TMEM106B: variants seen among roughly 807,000 people sequenced by gnomAD.
The protein encoded by TMEM106B is transmembrane protein 106B.
In TMEM106B, 15 loss-of-function variants were observed where a neutral mutation model predicts 31.1. That is an observed-to-expected ratio of 0.48 (90% CI 0.32 to 0.74). The LOEUF (loss-of-function observed/expected upper bound fraction) is 0.74. TMEM106B is among the 30% of genes least tolerant of loss of function. The pLI is 0.03. For missense variants in TMEM106B, 283 were observed against 327.3 expected, an observed-to-expected ratio of 0.86 and a Z score of 1.04; for synonymous variants, 126 against 112.5, an observed-to-expected ratio of 1.12 and a Z score of -0.76.
intron 4 of TMEM106B, among the ~76,000 whole-genome samples, chr7:12,225,974 GT>G (rs201845319): frequency 0.017 from 2,537 of 152,196 alleles, 30 homozygotes; most frequent in Middle Eastern, 0.055. Context: ...TTCTTCTAGG[GT>G]TTTTATGGTT....
intron 2 of TMEM106B, among the ~76,000 whole-genome samples, chr7:12,216,630 A>T (rs1056740815): frequency 6.6e-6 from 1 of 152,212 alleles, no homozygotes; most frequent in Non-Finnish European, 1.5e-5. Context: ...GACCCTAGCG[A>T]ATCCTGAGAC....
At chr7:12,227,189 TGA>T (rs1781918292) in intron 4 of TMEM106B, among the ~76,000 whole-genome samples, 1 of 152,000 alleles carries the variant, frequency 6.6e-6, no homozygotes, top group Non-Finnish European at 1.5e-5. Context: ...TAGATGACAA[TGA>T]GATAAGAGGC....
chr7:12,212,653 G>A (rs979387565), intron 1 of TMEM106B, among the ~76,000 whole-genome samples: 3 of 151,886 alleles, frequency 2.0e-5, no homozygotes, highest in African/African-American at 7.3e-5. Context: ...TATATTCATG[G>A]AGTACAAGTG....
chr7:12,225,121 G>T (rs2128526215), intron 4 of TMEM106B, among the ~76,000 whole-genome samples: 1 of 152,126 alleles, frequency 6.6e-6, no homozygotes, highest in South Asian at 2.1e-4. Flanking sequence ...CGTGGTGTTT[G>T]GTTTTCTGTC....
At position 12,226,825 on chromosome 7, in the gene TMEM106B, A is replaced by G. The variant is rs182445851; in HGVS notation, c.441+2440A>G. 4.6e-5 allele frequency among the ~76,000 whole-genome samples: 7 copies of G among 152,282 alleles called. No homozygotes were observed. The East Asian group carries it at 9.6e-4, about 21-fold the overall frequency. The stretch of plus-strand genomic sequence containing the variant: ...ATGTGAATAAAACGTTTGTAACACA[A>G]TGCTAATTGTAAATTGTTTTATGCA... On this transcript the variant is annotated intron_variant, in intron 4 of 7. Coordinates refer to ENST00000396668, the MANE Select transcript of TMEM106B (RefSeq NM_001134232.2).
intron 2 of TMEM106B, among the ~76,000 whole-genome samples, chr7:12,217,233 T>C (rs1380518619): frequency 1.3e-5 from 2 of 152,182 alleles, no homozygotes; most frequent in Non-Finnish European, 2.9e-5. Context: ...AGGTGGTTTA[T>C]TCTTGGTAAT....
Position 12,232,295 on chromosome 7 carries a change from C to T in TMEM106B, c.*320C>T, listed in dbSNP as rs755937364. ...TTAAAAGTCATAGCTCCAGTCACTACTGAAAACATAATTTTGGTGATAAAC... is the reference window on the plus strand; with the variant it reads ...TTAAAAGTCATAGCTCCAGTCACTATTGAAAACATAATTTTGGTGATAAAC... On this transcript the variant is annotated 3_prime_UTR_variant, in exon 8 of 8. Coordinates refer to ENST00000396668, the MANE Select transcript of TMEM106B (RefSeq NM_001134232.2). 6 of 169,156 alleles carry T rather than the reference C, an allele frequency of 3.5e-5. No homozygotes were observed. Among genetic ancestry groups the T allele is most frequent in the Non-Finnish European group, 3.8e-5 (3 of 79,588 alleles). 10.5% of individuals were successfully genotyped at this position (169,156 alleles called of 1,614,324 possible). A position where few individuals can be genotyped will look rare whatever the true frequency, so the allele number is the denominator to read the frequency against.
At chr7:12,224,443 C>A in intron 4 of TMEM106B, 58 bp downstream of exon 4, 1 of 1,403,684 alleles carries the variant, frequency 7.1e-7, no homozygotes, top group Non-Finnish European at 9.9e-7. Context: ...TATTAAGCAG[C>A]ACCTTTGTCC....
chr7:12,213,940 T>C (rs886584921), intron 1 of TMEM106B, among the ~76,000 whole-genome samples: 2 of 152,126 alleles, frequency 1.3e-5, no homozygotes, highest in South Asian at 2.1e-4. Context: ...ACATGCCCCG[T>C]TGTACCTTCC....
chr7:12,219,907 A>C (rs1291238057), intron 3 of TMEM106B, among the ~76,000 whole-genome samples: 1 of 152,180 alleles, frequency 6.6e-6, no homozygotes, highest in Non-Finnish European at 1.5e-5. Context: ...ACAAATGCAA[A>C]ACATTAAATC....
rs750430741 is a variant in TMEM106B, at chr7:12,243,048, A to G, written c.*11073A>G. 6.6e-6 allele frequency: 1 copy of G among 152,102 alleles called. No individual in the cohort carries two copies. Among genetic ancestry groups the G allele is most frequent in the Non-Finnish European group, 1.5e-5 (1 of 67,972 alleles). The allele number at this position is 152,102 out of a possible 1,614,324, so 9.4% of individuals were successfully genotyped here. A position where few individuals can be genotyped will look rare whatever the true frequency, so the allele number is the denominator to read the frequency against. On this transcript the variant is annotated 3_prime_UTR_variant, in exon 8 of 8. Coordinates refer to ENST00000396668, the MANE Select transcript of TMEM106B (RefSeq NM_001134232.2). ...GAAAAGAACTTCGTATAACATCATT[A>G]GATTTTTACAGAATCTTTAAAAAAG...
At chr7:12,223,420 A>G (rs73677523) in intron 3 of TMEM106B, among the ~76,000 whole-genome samples, 11,661 of 152,028 alleles carry the variant, frequency 0.077, 561 homozygotes, top group South Asian at 0.16. Context: ...GGTTTATTGT[A>G]CCCATCAACC....
At chr7:12,216,302 A>G (rs1206543729) in intron 2 of TMEM106B, among the ~76,000 whole-genome samples, 2 of 152,030 alleles carry the variant, frequency 1.3e-5, no homozygotes, top group Non-Finnish European at 2.9e-5. Context: ...AAAGTAGGAA[A>G]TCAAGGATGA....
chr7:12,232,014 G>A lies in TMEM106B; in HGVS notation c.*39G>A, dbSNP rs140798108. The stretch of plus-strand genomic sequence containing the variant: ...TGGATTTAAAGAAGAAATATCTATT[G>A]ATATTTCCTATACTCTCAATGAAGA... On this transcript the variant is annotated 3_prime_UTR_variant, in exon 8 of 8. Coordinates refer to ENST00000396668, the MANE Select transcript of TMEM106B (RefSeq NM_001134232.2). The A allele has an allele frequency of 8.8e-6, 14 of 1,592,652 alleles. No individual in the cohort carries two copies. The East Asian group carries it at 2.9e-4, about 33-fold the overall frequency.
In TMEM106B at chr7:12,231,928, C is replaced by G. The variant is rs1782033549; in HGVS notation, c.778C>G (p.Gln260Glu). The change falls in exon 8 of 8, where the codon CAG (glutamine) becomes GAG (glutamate). Residue 260 changes from glutamine to glutamate, a missense_variant. By Grantham distance (29) the Gln-to-Glu change is conservative. Coordinates refer to ENST00000396668, the MANE Select transcript of TMEM106B (RefSeq NM_001134232.2). ...CGACTGTGGAAGAAACACAACTTATCAGTTGGGGCAGTCTGAATATTTAAA... is the reference window on the plus strand; with the variant it reads ...CGACTGTGGAAGAAACACAACTTATGAGTTGGGGCAGTCTGAATATTTAAA... ...YVDCGRNTTY[Q>E]LGQSEYLNVL... 1 of 1,612,282 alleles carries G rather than the reference C, an allele frequency of 6.2e-7. No individual in the cohort carries two copies. The highest frequency in any genetic ancestry group is 8.5e-7 in the Non-Finnish European group (1 of 1,178,782).
At chr7:12,231,387 C>G (rs1237714735) in intron 7 of TMEM106B, 1 of 336,526 alleles carries the variant, frequency 3.0e-6, no homozygotes, top group Non-Finnish European at 5.3e-6. Context: ...GCCCCACATC[C>G]AATTCCTTAC....
chr7:12,215,364 T>C (rs1781665925), intron 2 of TMEM106B, among the ~76,000 whole-genome samples: 1 of 152,004 alleles, frequency 6.6e-6, no homozygotes, highest in Non-Finnish European at 1.5e-5. Context: ...CTTTGCTATA[T>C]CAGATGTTAG....
chr7:12,230,778 T>C (rs1420188629), intron 6 of TMEM106B: 3 of 332,422 alleles, frequency 9.0e-6, no homozygotes, highest in Non-Finnish European at 1.1e-5. Flanking sequence ...ACTTTTAGGG[T>C]AAATAACAAC....
chr7:12,221,639 A>T (rs895584770), intron 3 of TMEM106B, among the ~76,000 whole-genome samples: 1 of 152,226 alleles, frequency 6.6e-6, no homozygotes, highest in Non-Finnish European at 1.5e-5. Context: ...CTATGATTGC[A>T]CCAGCAAGCC....
Sources: gnomAD v4.1 joint callset for allele counts (sites outside exome capture counted in the v4.1 genomes callset) on GRCh38, gnomAD v4.1.1 for gene constraint, MANE v1.5 for transcripts, NCBI Gene and HGNC (gene_info 2026-07-23, HGNC 2026-07-21) for gene names.